The following GPSM1 variants were observed in gnomAD, a reference collection of about 807,000 sequenced individuals.
GPSM1 encodes the protein G protein-signaling modulator 1.
Under a neutral mutation model 70.5 loss-of-function variants are expected in GPSM1, and 48 were observed. The observed-to-expected ratio is 0.68, with a 90% CI of 0.54 to 0.87. The LOEUF (loss-of-function observed/expected upper bound fraction) is 0.87. GPSM1 is among the 40% of genes least tolerant of loss of function. The probability of loss-of-function intolerance (pLI) is 0.00; values close to 1 mark genes in which losing one functional copy is unlikely to be tolerated. For synonymous variants in GPSM1, 416 were observed against 430.1 expected (o/e 0.97, Z 0.41); for missense variants, 981 against 972.6 (o/e 1.01, Z -0.11).
Position 136,358,310 on chromosome 9 carries a change from A to G in GPSM1, c.*90A>G. ...CCACGTCCTCCCGAGGCCATTGCCG[A>G]GGACAGGCACTGGGCATGCAGCCCC... On this transcript the variant is annotated 3_prime_UTR_variant, in exon 14 of 14. Coordinates refer to ENST00000440944, the MANE Select transcript of GPSM1 (RefSeq NM_001145638.3). 1 of 1,208,436 alleles carries G rather than the reference A, an allele frequency of 8.3e-7. No individual in the cohort carries two copies. The highest frequency in any genetic ancestry group is 1.2e-6 in the Non-Finnish European group (1 of 861,150). 74.9% of individuals were successfully genotyped at this position (1,208,436 alleles called of 1,614,324 possible).
Position 136,327,788 on chromosome 9 carries a change from GGGGCCGGGGCTGGGACCGGACC to G in GPSM1, c.68+34_68+55del, listed in dbSNP as rs1432794866. ...GGTAGGACGGGCCGGGGCCGGGGCCGGGGCCGGGGCTGGGACCGGACCGGGCCGGGTCGGGACGCGGGGGAGG... is the reference window on the plus strand; with the variant it reads ...GGTAGGACGGGCCGGGGCCGGGGCCGGGGCCGGGTCGGGACGCGGGGGAGG... On this transcript the variant is annotated intron_variant, in intron 1 of 13. Transcript: ENST00000440944. The G allele has an allele frequency of 6.8e-6, 7 of 1,036,992 alleles. No homozygotes were observed. The African/African-American group carries it at 1.2e-4, about 17-fold the overall frequency. 64.2% of individuals were successfully genotyped at this position (1,036,992 alleles called of 1,614,324 possible). A position where few individuals can be genotyped will look rare whatever the true frequency, so the allele number is the denominator to read the frequency against.
chr9:136,342,620 G>A lies in GPSM1; in HGVS notation c.1207+1627G>A, dbSNP rs1554770505. ...CCTGGGCGGCCCTGGGTGAGACCCCGGCTCAGCTGAGCCTGGCAGGGACAG... is the reference window on the plus strand; with the variant it reads ...CCTGGGCGGCCCTGGGTGAGACCCCAGCTCAGCTGAGCCTGGCAGGGACAG... On this transcript the variant is annotated intron_variant, in intron 9 of 13. Transcript: ENST00000440944. The surrounding 1 kb of genome is among the most constrained non-coding windows in gnomAD (Gnocchi z 5.5). Among the ~76,000 whole-genome samples, 3 of 152,164 alleles carry A rather than the reference G, an allele frequency of 2.0e-5. No individual in the cohort carries two copies. Among genetic ancestry groups the A allele is most frequent in the African/African-American group, 7.2e-5 (3 of 41,460 alleles).
chr9:136,350,388 C>T (rs782612390), intron 11 of GPSM1, among the ~76,000 whole-genome samples: 1 of 152,202 alleles, frequency 6.6e-6, no homozygotes, highest in Non-Finnish European at 1.5e-5. Context: ...TGGCGGGGGT[C>T]CCTGAGCAGA....
chr9:136,331,323 A>G (rs1832092757), intron 1 of GPSM1, among the ~76,000 whole-genome samples: 3 of 145,046 alleles, frequency 2.1e-5, no homozygotes, highest in Admixed American at 1.4e-4. Context: ...GAGAGCACAG[A>G]GGGCCCGGCA....
intron 11 of GPSM1, 177 bp from the exon 12 acceptor site, chr9:136,355,513 C>T (rs1832788709): frequency 4.6e-6 from 2 of 435,094 alleles, no homozygotes; most frequent in Non-Finnish European, 8.0e-6. Context: ...GGAGGGGTAG[C>T]CGGGTGCCGA....
chr9:136,347,785 A>G (rs1832559104), intron 9 of GPSM1, among the ~76,000 whole-genome samples: 1 of 152,172 alleles, frequency 6.6e-6, no homozygotes, highest in Admixed American at 6.5e-5. Flanking sequence ...TGCCCTGGAT[A>G]CAGGCTCCTG....
At position 136,338,561 on chromosome 9, in the gene GPSM1, G is replaced by T. The variant is rs781790011; in HGVS notation, c.825G>T (p.Thr275=). ...ACCCTGCCACTCTGCACAGGAAGAC[G>T]CTGCAACTGTCTCGGCAGCTCAGGG... The part of the protein sequence containing the change: ...FDVAAEYYKK[T]LQLSRQLRDQ... The change falls in exon 7 of 14, where the codon ACG becomes ACT. Residue 275 remains threonine (T), a synonymous_variant. Coordinates refer to ENST00000440944, the MANE Select transcript of GPSM1 (RefSeq NM_001145638.3). 4.3e-6 allele frequency: 7 copies of T among 1,610,794 alleles called. No homozygotes were observed. In the African/African-American group the frequency reaches 9.3e-5, roughly 21 times the overall value.
chr9:136,344,237 T>A (rs868994098), intron 9 of GPSM1, among the ~76,000 whole-genome samples: 2 of 40,410 alleles, frequency 4.9e-5, no homozygotes, highest in African/African-American at 2.0e-4. Context: ...AGAAGCGGGG[T>A]GGGGCGCAGA....
chr9:136,341,121 A>G lies in GPSM1; in HGVS notation c.1207+128A>G. 1.9e-6 allele frequency: 3 copies of G among 1,550,000 alleles called. No homozygotes were observed. The highest frequency in any genetic ancestry group is 2.6e-6 in the Non-Finnish European group (3 of 1,146,848). On this transcript the variant is annotated intron_variant, in intron 9 of 13. Transcript: ENST00000440944. The surrounding 1 kb of genome is among the most constrained non-coding windows in gnomAD (Gnocchi z 6.7). ...GCAGCCGCCAGAAAATGGCGCCTAC[A>G]AGCCAGTTCTTCTTGGCCTCAGGGA...
chr9:136,352,637 C>T (rs1333473483), intron 11 of GPSM1, among the ~76,000 whole-genome samples: 1 of 152,234 alleles, frequency 6.6e-6, no homozygotes, highest in African/African-American at 2.4e-5. Context: ...CAGGAAGGGC[C>T]GTCCCGGACA....
rs376325414 is a variant in GPSM1, at chr9:136,356,253, T to C, written c.1613-89T>C. On this transcript the variant is annotated intron_variant, in intron 12 of 13. Coordinates refer to ENST00000440944, the MANE Select transcript of GPSM1 (RefSeq NM_001145638.3). Reference sequence around the variant, plus strand: ...AGCAGCACAGTGGGCTGGGCTGGGCTCAGAGGTCAGAGCTCACTGTGGCCG... The same window carrying C: ...AGCAGCACAGTGGGCTGGGCTGGGCCCAGAGGTCAGAGCTCACTGTGGCCG... The C allele has an allele frequency of 3.1e-5, 32 of 1,019,346 alleles. No individual in the cohort carries two copies. The African/African-American group carries it at 3.9e-4, about 12-fold the overall frequency. The allele number at this position is 1,019,346 out of a possible 1,614,324, so 63.1% of individuals were successfully genotyped here. A position where few individuals can be genotyped will look rare whatever the true frequency, so the allele number is the denominator to read the frequency against.
chr9:136,355,666 G>T (rs782703417), intron 11 of GPSM1, 24 bp from the exon 12 acceptor site: 1 of 1,607,738 alleles, frequency 6.2e-7, no homozygotes, highest in South Asian at 1.1e-5. Context: ...AGCTTTGGCT[G>T]CGGTGACCCC....
chr9:136,341,246 C>A lies in GPSM1; in HGVS notation c.1207+253C>A. 6.7e-7 allele frequency: 1 copy of A among 1,500,544 alleles called. No individual in the cohort carries two copies. The highest frequency in any genetic ancestry group is 1.3e-5 in the South Asian group (1 of 77,308). The allele number at this position is 1,500,544 out of a possible 1,614,324, so 93.0% of individuals were successfully genotyped here. A position where few individuals can be genotyped will look rare whatever the true frequency, so the allele number is the denominator to read the frequency against. On this transcript the variant is annotated intron_variant, in intron 9 of 13. Coordinates refer to ENST00000440944, the MANE Select transcript of GPSM1 (RefSeq NM_001145638.3). This position sits in a 1 kb window ranked among gnomAD's most constrained non-coding sequence, Gnocchi z 6.7. ...GGACAGGAGGTGGTCGCCTGTTGCCCCACTGGCTGCTCCAGGGCCTCCACC... is the reference window on the plus strand; with the variant it reads ...GGACAGGAGGTGGTCGCCTGTTGCCACACTGGCTGCTCCAGGGCCTCCACC...
Position 136,327,716 on chromosome 9 carries a change from C to A in GPSM1, c.21C>A (p.Pro7=), listed in dbSNP as rs868919283. The change falls in exon 1 of 14, where the codon CCC becomes CCA. Residue 7 remains proline (P), a synonymous_variant. Transcript: ENST00000440944. ...GACCCATGGCGGGCCCGGCCCCGCCCGCGGCCGACGAGCTCCCGGGCCCGG... is the reference window on the plus strand; with the variant it reads ...GACCCATGGCGGGCCCGGCCCCGCCAGCGGCCGACGAGCTCCCGGGCCCGG... MAGPAP[P]AADELPGPAA... 4.3e-6 allele frequency: 5 copies of A among 1,173,166 alleles called. No individual in the cohort carries two copies. Among genetic ancestry groups the A allele is most frequent in the African/African-American group, 1.6e-5 (1 of 61,470 alleles). 72.7% of individuals were successfully genotyped at this position (1,173,166 alleles called of 1,614,324 possible). A position where few individuals can be genotyped will look rare whatever the true frequency, so the allele number is the denominator to read the frequency against.
intron 8 of GPSM1, 45 bp downstream of exon 8, chr9:136,339,860 A>C (rs1554769898): frequency 3.3e-6 from 4 of 1,213,156 alleles, no homozygotes. Flanking sequence ...TGCCCAGCCC[A>C]CTCCAGACGG....
At position 136,349,588 on chromosome 9, in the gene GPSM1, A is replaced by C. The variant is rs1832606858; in HGVS notation, c.1280A>C (p.Glu427Ala). Reference protein sequence around the residue: ...WDLLRLPLEREQNGDSHHSGD... With the variant: ...WDLLRLPLERAQNGDSHHSGD... Reference sequence around the variant, plus strand: ...ACGCACAGCCTTACCCCTCCCCAGGAGCAGAATGGAGACAGCCACCATTCA... The same window carrying C: ...ACGCACAGCCTTACCCCTCCCCAGGCGCAGAATGGAGACAGCCACCATTCA... The change falls in exon 11 of 14, where the codon GAG becomes GCG. Residue 427 changes from glutamate to alanine, a missense_variant and splice_region_variant. By Grantham distance (107) the Glu-to-Ala change is moderately radical. Coordinates refer to ENST00000440944, the MANE Select transcript of GPSM1 (RefSeq NM_001145638.3). 1.3e-6 allele frequency: 2 copies of C among 1,549,720 alleles called. No individual in the cohort carries two copies. Among genetic ancestry groups the C allele is most frequent in the East Asian group, 2.4e-5 (1 of 41,004 alleles).
At chr9:136,354,043 G>A (rs1045574287) in intron 11 of GPSM1, among the ~76,000 whole-genome samples, 2 of 152,164 alleles carry the variant, frequency 1.3e-5, no homozygotes, top group African/African-American at 4.8e-5. Flanking sequence ...TGCAGGAGGA[G>A]AGCCCTGCGG....
rs1380017172 is a variant in GPSM1, at chr9:136,348,784, G to A, written c.1278+17G>A. ...CTGGAGCGGGTGAGCCAGGGACACG[G>A]GACCGATGTCAGCACAGCCGCTGCC... On this transcript the variant is annotated intron_variant, in intron 10 of 13. Transcript: ENST00000440944. 2 of 1,595,844 alleles carry A rather than the reference G, an allele frequency of 1.3e-6. No homozygotes were observed. Among genetic ancestry groups the A allele is most frequent in the Non-Finnish European group, 1.7e-6 (2 of 1,165,702 alleles).
chr9:136,330,215 C>T (rs538293646), intron 1 of GPSM1, among the ~76,000 whole-genome samples: 33 of 152,218 alleles, frequency 2.2e-4, no homozygotes, highest in East Asian at 3.9e-4. Context: ...GGGCTGGGGC[C>T]GGGAAGGGGC....
Sources: allele counts gnomAD v4.1 joint callset (sites outside exome capture counted in the v4.1 genomes callset), GRCh38; gene constraint gnomAD v4.1.1; non-coding constraint Gnocchi (gnomAD v3.1); transcripts MANE v1.5; gene names NCBI Gene and HGNC (gene_info 2026-07-23, HGNC 2026-07-21).